RBP2: variants seen among roughly 807,000 people sequenced by gnomAD.
RBP2 encodes the protein retinol binding protein 2, also known as retinol-binding protein 2.
A neutral mutation model predicts 17.0 loss-of-function variants in RBP2; 17 were observed. The observed-to-expected ratio is 1.00, with a 90% CI of 0.68 to 1.50. RBP2 has a LOEUF of 1.50. RBP2 is among the 40% of genes most tolerant of loss of function. The pLI, the probability that RBP2 is intolerant of heterozygous loss-of-function variation, is 0.00. For synonymous variants in RBP2, 48 were observed against 57.1 expected (o/e 0.84, Z 0.72); for missense variants, 158 against 168.2 (o/e 0.94, Z 0.33).
At chr3:139,465,663 G>T (rs1214379329) in intron 1 of RBP2, among the ~76,000 whole-genome samples, 1 of 152,148 alleles carries the variant, frequency 6.6e-6, no homozygotes, top group Non-Finnish European at 1.5e-5. Flanking sequence ...ATTTCCCCTG[G>T]AGACACAGGG....
At chr3:139,456,037 C>T (rs1932942963) in intron 2 of RBP2, among the ~76,000 whole-genome samples, 1 of 152,184 alleles carries the variant, frequency 6.6e-6, no homozygotes, top group Non-Finnish European at 1.5e-5. Context: ...ACTTCTGTGC[C>T]CAAATTAGGC....
chr3:139,454,763 C>T lies in RBP2; in HGVS notation c.320G>A (p.Trp107Ter). 4 of 1,614,228 alleles carry T rather than the reference C, an allele frequency of 2.5e-6. No homozygotes were observed. The highest frequency in any genetic ancestry group is 2.2e-5 in the East Asian group (1 of 44,876). Residue 107 changes from tryptophan to a stop codon, truncating the protein, a stop_gained, in exon 3 of 4, where the codon TGG becomes TAG. Transcript: ENST00000232217. LOFTEE classifies it high-confidence loss of function. ...CTTGTCCCCCTCAATCCACTGCTTC[C>T]AGCCGCGGTTCTCCTTCTCCCCCTT... ...VQKGEKENRG[W>*]KQWIEGDKLY...
chr3:139,462,270 T>C lies in RBP2; in HGVS notation c.94A>G (p.Lys32Glu). 6.2e-7 allele frequency: 1 copy of C among 1,614,140 alleles called. No homozygotes were observed. ...KALDIDFATR[K>E]IAVRLTQTKV... ...GTCTGAGTGAGACGTACTGCAATCTTGCGGGTGGCAAAATCAATATCTGTT... is the reference window on the plus strand; with the variant it reads ...GTCTGAGTGAGACGTACTGCAATCTCGCGGGTGGCAAAATCAATATCTGTT... Residue 32 changes from lysine to glutamate, a missense_variant, in exon 2 of 4, where the codon AAG becomes GAG. Coordinates refer to ENST00000232217, the MANE Select transcript of RBP2 (RefSeq NM_004164.3).
At chr3:139,461,661 A>G (rs781593726) in intron 2 of RBP2, among the ~76,000 whole-genome samples, 14 of 152,102 alleles carry the variant, frequency 9.2e-5, no homozygotes, top group Non-Finnish European at 1.6e-4. Flanking sequence ...AAAATTTGAG[A>G]TATTTTATAT....
intron 1 of RBP2, among the ~76,000 whole-genome samples, chr3:139,462,632 G>T (rs559885824): frequency 2.7e-5 from 4 of 146,770 alleles, no homozygotes; most frequent in African/African-American, 7.9e-5. Context: ...GACCTGTTGG[G>T]CATCCTCCTA....
At chr3:139,469,137 T>C (rs1290884629) in intron 1 of RBP2, among the ~76,000 whole-genome samples, 1 of 152,180 alleles carries the variant, frequency 6.6e-6, no homozygotes, top group Non-Finnish European at 1.5e-5. Flanking sequence ...CTGAGAACCA[T>C]TCAAAGTGCA....
intron 1 of RBP2, 95 bp downstream of exon 1, chr3:139,476,292 C>A: frequency 1.0e-6 from 1 of 974,846 alleles, no homozygotes; most frequent in Non-Finnish European, 1.6e-6. Flanking sequence ...GGATTTGCCA[C>A]AGGTCTGTTG....
At chr3:139,459,392 C>CTG (rs1553721521) in intron 2 of RBP2, among the ~76,000 whole-genome samples, 3 of 116,918 alleles carry the variant, frequency 2.6e-5, no homozygotes, top group Non-Finnish European at 5.4e-5. Flanking sequence ...CCTGTTTCTA[C>CTG]TATATATATG....
rs1427650384 is a variant in RBP2, at chr3:139,453,010, G to A, written c.*106C>T. 1 of 1,294,456 alleles carries A rather than the reference G, an allele frequency of 7.7e-7. No homozygotes were observed. The highest frequency in any genetic ancestry group is 1.1e-6 in the Non-Finnish European group (1 of 892,402). 80.2% of individuals were successfully genotyped at this position (1,294,456 alleles called of 1,614,324 possible). ...AAAACCCACCCAGATGCCTTAATGG[G>A]GCTCTGTCAAGAGTGGGAAGGTCCC... On this transcript the variant is annotated 3_prime_UTR_variant, in exon 4 of 4. Transcript: ENST00000232217.
At chr3:139,467,756 G>C (rs1350715769) in intron 1 of RBP2, among the ~76,000 whole-genome samples, 1 of 152,072 alleles carries the variant, frequency 6.6e-6, no homozygotes, top group Non-Finnish European at 1.5e-5. Context: ...AAAGTTTTGG[G>C]TCATATTTAT....
At chr3:139,459,775 G>T (rs1361299766) in intron 2 of RBP2, among the ~76,000 whole-genome samples, 1 of 151,712 alleles carries the variant, frequency 6.6e-6, no homozygotes, top group South Asian at 2.1e-4. Flanking sequence ...ATGGCCCATT[G>T]TTGGAGGCTG....
At position 139,454,776 on chromosome 3, in the gene RBP2, C is replaced by T; in HGVS notation, c.307G>A (p.Glu103Lys). 3 of 1,614,208 alleles carry T rather than the reference C, an allele frequency of 1.9e-6. No individual in the cohort carries two copies. Among genetic ancestry groups the T allele is most frequent in the Non-Finnish European group, 2.5e-6 (3 of 1,180,034 alleles). ...VLVCVQKGEK[E>K]NRGWKQWIEG... is the part of the protein sequence containing the mutation. ...ATCCACTGCTTCCAGCCGCGGTTCT[C>T]CTTCTCCCCCTTTTGCACACACACA... The change falls in exon 3 of 4, where the codon GAG becomes AAG. Residue 103 changes from glutamate (E) to lysine (K), a missense_variant. Transcript: ENST00000232217.
At chr3:139,454,459 C>T (rs979792720) in intron 3 of RBP2, among the ~76,000 whole-genome samples, 2 of 152,156 alleles carry the variant, frequency 1.3e-5, no homozygotes, top group African/African-American at 4.8e-5. Flanking sequence ...TAGCAGGTTC[C>T]CTGTATTTCT....
chr3:139,473,985 ATTAATC>A (rs1304570667), intron 1 of RBP2, among the ~76,000 whole-genome samples: 1 of 152,212 alleles, frequency 6.6e-6, no homozygotes, highest in Non-Finnish European at 1.5e-5. Flanking sequence ...CATGTATGGT[ATTAATC>A]TTAATCAGTT....
intron 1 of RBP2, among the ~76,000 whole-genome samples, chr3:139,468,006 C>T (rs1281963114): frequency 6.6e-6 from 1 of 152,134 alleles, no homozygotes; most frequent in Non-Finnish European, 1.5e-5. Flanking sequence ...CTGAGCTGTG[C>T]TAAACCATAC....
chr3:139,462,136 C>G lies in RBP2; in HGVS notation c.228G>C (p.Lys76Asn), dbSNP rs748931216. Residue 76 changes from lysine (K) to asparagine (N), a missense_variant, in exon 2 of 4, where the codon AAG becomes AAC. By Grantham distance (94) the Lys-to-Asn change is moderately conservative. Transcript: ENST00000232217. ...CCTTAACATGCCGGTTATCCAGGCT[C>G]TTTGTGTACTCGTCAAACTCTACTC... is the stretch of plus-strand genomic sequence containing the variant. Reference protein sequence around the residue: ...TVGVEFDEYTKSLDNRHVKAL... With the variant: ...TVGVEFDEYTNSLDNRHVKAL... The G allele has an allele frequency of 3.7e-6, 6 of 1,614,110 alleles. No individual in the cohort carries two copies. Among genetic ancestry groups the G allele is most frequent in the Non-Finnish European group, 5.1e-6 (6 of 1,180,016 alleles).
At chr3:139,453,198 C>A in intron 3 of RBP2, 32 bp from the exon 4 acceptor site, 1 of 1,613,588 alleles carries the variant, frequency 6.2e-7, no homozygotes, top group Non-Finnish European at 8.5e-7. Context: ...GAGGGTCTAA[C>A]AAGCCAGGCC....
chr3:139,453,678 G>A (rs559135702), intron 3 of RBP2, among the ~76,000 whole-genome samples: 3 of 152,298 alleles, frequency 2.0e-5, no homozygotes, highest in South Asian at 2.1e-4. Context: ...ACAAGGTCCC[G>A]CTTTTCATCC....
chr3:139,469,602 T>G (rs919987314), intron 1 of RBP2, among the ~76,000 whole-genome samples: 1 of 152,188 alleles, frequency 6.6e-6, no homozygotes, highest in Admixed American at 6.5e-5. Context: ...CATTGACTTG[T>G]GAGCACCATC....
Sources: allele counts gnomAD v4.1 joint callset (sites outside exome capture counted in the v4.1 genomes callset), GRCh38; gene constraint gnomAD v4.1.1; transcripts MANE v1.5; gene names NCBI Gene and HGNC (gene_info 2026-07-23, HGNC 2026-07-21).